The following ZC3H12B variants were observed in gnomAD, a reference collection of about 807,000 sequenced individuals.
ZC3H12B encodes the protein probable ribonuclease ZC3H12B.
A neutral mutation model predicts 43.9 loss-of-function variants in ZC3H12B; 7 were observed. The ratio of observed to expected loss-of-function variants is 0.16; its 90% confidence interval spans 0.09 to 0.30. The LOEUF (loss-of-function observed/expected upper bound fraction) is 0.30. Ranked by LOEUF, ZC3H12B falls within the 10% of genes least tolerant of loss-of-function variation. The probability of loss-of-function intolerance (pLI) is 1.00; values close to 1 mark genes in which losing one functional copy is unlikely to be tolerated. For missense variants in ZC3H12B, 475 were observed against 670.2 expected (o/e 0.71, Z 3.22); for synonymous variants, 222 against 241.7 (o/e 0.92, Z 0.76).
the ZC3H12B span, among the ~76,000 whole-genome samples, chrX:65,132,621 C>A: frequency 9.0e-6 from 1 of 110,716 alleles, no homozygotes; most frequent in Admixed American, 9.6e-5. Flanking sequence ...AATGTCTCTA[C>A]CTAATAAGGG....
the ZC3H12B span, among the ~76,000 whole-genome samples, chrX:65,353,862 G>A: frequency 3.6e-5 from 4 of 111,535 alleles, no homozygotes; most frequent in Non-Finnish European, 5.7e-5. Flanking sequence ...TTCAAACTGG[G>A]CAGAGCCCAC....
At chrX:65,231,032 G>A in the ZC3H12B span, among the ~76,000 whole-genome samples, 1 of 111,452 alleles carries the variant, frequency 9.0e-6, no homozygotes, top group Non-Finnish European at 1.9e-5. Flanking sequence ...TTTCACCATA[G>A]GTCCTTTCTA....
the ZC3H12B span, among the ~76,000 whole-genome samples, chrX:65,317,178 A>C: frequency 9.0e-6 from 1 of 110,574 alleles, no homozygotes; most frequent in African/African-American, 3.3e-5. Flanking sequence ...AGACTTAGCC[A>C]CAAAATAGTA....
chrX:65,104,046 G>A, the ZC3H12B span, among the ~76,000 whole-genome samples: 1 of 111,504 alleles, frequency 9.0e-6, no homozygotes, highest in East Asian at 2.8e-4. Context: ...AACCAAAACA[G>A]CATGATACTG....
rs772259591 is a variant in ZC3H12B at position 65,479,583 on chromosome X, G to T, written n.408-9063G>T. Among the ~76,000 whole-genome samples the T allele has an allele frequency of 6.3e-5, 7 of 111,095 alleles. No individual in the cohort carries two copies. In the South Asian group the frequency reaches 2.7e-3, roughly 43 times the overall value. ...GGGTTTCACTGCATTGGCCAGGCTG[G>T]TCTTGAACTCCTGACCTCAGGTGAT... On this transcript the variant is annotated intron_variant and non_coding_transcript_variant, in intron 3 of 5. Coordinates refer to the ZC3H12B transcript ENST00000617377.
chrX:65,440,104 T>C (rs1232794775), intron 3 of ZC3H12B, among the ~76,000 whole-genome samples: 1 of 112,326 alleles, frequency 8.9e-6, no homozygotes, highest in East Asian at 2.8e-4. Context: ...TCTTTCCTCC[T>C]TTTTTGTTTT....
chrX:65,114,127 A>G, the ZC3H12B span, among the ~76,000 whole-genome samples: 5 of 103,461 alleles, frequency 4.8e-5, no homozygotes, highest in African/African-American at 1.7e-4. Flanking sequence ...AGGTCATGAT[A>G]CATATTAAAA....
intron 3 of ZC3H12B, among the ~76,000 whole-genome samples, chrX:65,473,336 A>G (rs995356670): frequency 2.7e-5 from 3 of 111,000 alleles, no homozygotes; most frequent in Admixed American, 9.7e-5. Context: ...TTTTAAATCA[A>G]GATGTGTGAT....
chrX:65,391,923 G>A (rs1270001927), intron 2 of ZC3H12B, among the ~76,000 whole-genome samples: 2 of 111,248 alleles, frequency 1.8e-5, no homozygotes, highest in African/African-American at 3.3e-5. Flanking sequence ...GCACCACCAC[G>A]CCTGACTGGT....
chrX:65,369,505 C>T (rs1420808945), intron 2 of ZC3H12B, among the ~76,000 whole-genome samples: 1 of 89,728 alleles, frequency 1.1e-5, no homozygotes, highest in East Asian at 2.8e-4. Flanking sequence ...TAAGAGAAAA[C>T]TGTGACTATC....
rs1274655311 is a variant in ZC3H12B at position 65,456,256 on chromosome X, A to C, written n.408-32390A>C. 2.7e-5 allele frequency among the ~76,000 whole-genome samples: 3 copies of C among 111,597 alleles called. No homozygotes were observed. The South Asian group carries it at 1.1e-3, about 42-fold the overall frequency. On this transcript the variant is annotated intron_variant and non_coding_transcript_variant, in intron 3 of 5. Transcript: ENST00000617377. The stretch of plus-strand genomic sequence containing the variant: ...CCATCTCACGTGCAGAGACACACAT[A>C]GGCTCAAAATAAAGGGATGGAGGAA...
the ZC3H12B span, among the ~76,000 whole-genome samples, chrX:65,244,040 G>T: frequency 2.7e-5 from 3 of 111,206 alleles, no homozygotes; most frequent in South Asian, 1.1e-3. Context: ...GAGGGTAAAA[G>T]ACCTAGTGTC....
chrX:65,232,811 GAA>G, the ZC3H12B span, among the ~76,000 whole-genome samples: 1,201 of 103,891 alleles, frequency 0.012, 6 homozygotes, highest in South Asian at 0.029. Flanking sequence ...TGAATGGATG[GAA>G]AAAAAAAAGA....
Position 65,379,747 on chromosome X carries a change from C to G in ZC3H12B, n.295+10749C>G, listed in dbSNP as rs184647256. 3.5e-3 allele frequency among the ~76,000 whole-genome samples: 388 copies of G among 112,030 alleles called. 4 individuals are homozygous for G. Among genetic ancestry groups the G allele is most frequent in the African/African-American group, 0.012 (364 of 30,860 alleles). On this transcript the variant is annotated intron_variant and non_coding_transcript_variant, in intron 2 of 5. Transcript: ENST00000617377. ...GAATGTATAACTAGAATAACCAATA[C>G]AGCGAAGTGCTTAAAGGAGCTGATG...
the ZC3H12B span, chrX:65,356,971 T>G: frequency 2.1e-6 from 1 of 474,121 alleles, no homozygotes; most frequent in Non-Finnish European, 4.0e-6. Flanking sequence ...AGGTTTGTGA[T>G]CCAACATATT....
chrX:65,150,804 G>C, the ZC3H12B span, among the ~76,000 whole-genome samples: 5 of 110,714 alleles, frequency 4.5e-5, no homozygotes, highest in African/African-American at 6.6e-5. Flanking sequence ...GATTTTGCTT[G>C]CTTGCTTTTA....
At chrX:65,272,959 G>A in the ZC3H12B span, 2 of 112,254 alleles carry the variant, frequency 1.8e-5, no homozygotes, top group Non-Finnish European at 3.8e-5. Flanking sequence ...TTCAATTGGT[G>A]TTCTGACTTT....
chrX:65,234,760 C>T, the ZC3H12B span, among the ~76,000 whole-genome samples: 1 of 111,998 alleles, frequency 8.9e-6, no homozygotes, highest in South Asian at 3.7e-4. Context: ...TAAATGTGTG[C>T]CATGGTGGTT....
chrX:65,459,502 A>C (rs1372019370), intron 3 of ZC3H12B, among the ~76,000 whole-genome samples: 1 of 111,782 alleles, frequency 8.9e-6, no homozygotes, highest in Non-Finnish European at 1.9e-5. Flanking sequence ...CAAAAAGCTT[A>C]TCCACCATGA....
Sources: gnomAD v4.1 joint callset for allele counts (sites outside exome capture counted in the v4.1 genomes callset) on GRCh38, gnomAD v4.1.1 for gene constraint, MANE v1.5 for transcripts, NCBI Gene and HGNC (gene_info 2026-07-23, HGNC 2026-07-21) for gene names.